Variants in KIF27 observed in about 807,000 individuals in gnomAD.
The protein encoded by KIF27 is kinesin-like protein KIF27.
A neutral mutation model predicts 141.8 loss-of-function variants in KIF27; 84 were observed. The ratio of observed to expected loss-of-function variants is 0.59; its 90% CI spans 0.50 to 0.71. The LOEUF is 0.71. Among genes scored for constraint, KIF27 ranks in the 30% least tolerant of loss-of-function variants. The pLI, the probability that KIF27 is intolerant of heterozygous loss-of-function variation, is 0.00. For synonymous variants in KIF27, 471 were observed against 569.5 expected, an observed-to-expected ratio of 0.83 and a Z score of 2.46; for missense variants, 1,306 against 1,628.4, an observed-to-expected ratio of 0.80 and a Z score of 3.41.
intron 14 of KIF27, chr9:83,858,836 A>C (rs1052652027): frequency 1.2e-5 from 4 of 336,544 alleles, no homozygotes; most frequent in Non-Finnish European, 2.2e-5. Flanking sequence ...GAGTCCCTCA[A>C]ATCATTTTCT....
At chr9:83,896,234 A>G (rs1953236669) in intron 5 of KIF27, among the ~76,000 whole-genome samples, 1 of 151,954 alleles carries the variant, frequency 6.6e-6, no homozygotes, top group African/African-American at 2.4e-5. Flanking sequence ...ACACAGTGAG[A>G]CTCCGTCTCA....
At chr9:83,853,086 TG>T (rs1948794086) in intron 15 of KIF27, among the ~76,000 whole-genome samples, 1 of 152,234 alleles carries the variant, frequency 6.6e-6, no homozygotes, top group African/African-American at 2.4e-5. Context: ...GAAACATCTC[TG>T]GATCAGTAAA....
chr9:83,850,907 G>A (rs191781537), intron 15 of KIF27, among the ~76,000 whole-genome samples: 220 of 124,188 alleles, frequency 1.8e-3, no homozygotes, highest in African/African-American at 6.2e-3. Context: ...GTGCAATCTC[G>A]GCTCACTGCA....
chr9:83,857,772 T>C (rs1246142572), intron 14 of KIF27, among the ~76,000 whole-genome samples: 3 of 152,192 alleles, frequency 2.0e-5, no homozygotes, highest in Non-Finnish European at 4.4e-5. Context: ...GATTCTGATC[T>C]ACTGAGGCTG....
intron 16 of KIF27, among the ~76,000 whole-genome samples, chr9:83,845,822 G>A (rs1947202814): frequency 6.6e-6 from 1 of 152,222 alleles, no homozygotes; most frequent in Non-Finnish European, 1.5e-5. Flanking sequence ...GAAAACTGGT[G>A]ACAAAGAATT....
intron 3 of KIF27, among the ~76,000 whole-genome samples, chr9:83,905,446 AG>A (rs1200443982): frequency 3.9e-5 from 6 of 152,224 alleles, no homozygotes; most frequent in African/African-American, 1.4e-4. Context: ...AAAGAGAAGT[AG>A]GTGGACTTAG....
chr9:83,837,695 C>T (rs1946047117), intron 17 of KIF27: 6 of 435,992 alleles, frequency 1.4e-5, no homozygotes, highest in Non-Finnish European at 2.4e-5. Flanking sequence ...GAATAACTCA[C>T]AACTTTAATT....
At chr9:83,914,898 T>C (rs1247965210) in intron 2 of KIF27, among the ~76,000 whole-genome samples, 1 of 152,238 alleles carries the variant, frequency 6.6e-6, no homozygotes, top group Non-Finnish European at 1.5e-5. Flanking sequence ...AAAGAAAAGA[T>C]ACTTTACATA....
intron 16 of KIF27, among the ~76,000 whole-genome samples, chr9:83,848,301 A>ATATATATGATATATCATATATC (rs1947993039): frequency 8.9e-6 from 1 of 112,554 alleles, no homozygotes; most frequent in Non-Finnish European, 1.7e-5. Context: ...ATCAGATATG[A>ATATATATGATATATCATATATC]TATATATGAT....
chr9:83,844,813 A>G (rs7030224), intron 16 of KIF27, among the ~76,000 whole-genome samples: 1 of 152,170 alleles, frequency 6.6e-6, no homozygotes, highest in African/African-American at 2.4e-5. Flanking sequence ...GGCCTGTCGA[A>G]ATATTCCTTC....
Position 83,837,353 on chromosome 9 carries a change from C to T in KIF27, c.3854G>A (p.Ser1285Asn). Residue 1285 changes from serine to asparagine, a missense_variant, in exon 18 of 18, where the codon AGC becomes AAC. Physicochemically the swap from Ser to Asn is conservative, Grantham distance 46. This residue lies in a region of KIF27 where 148 missense variants were observed against 250.9 expected (regional missense o/e 0.59). Coordinates refer to ENST00000297814, the MANE Select transcript of KIF27 (RefSeq NM_017576.4). ...REREMDSSAS[S>N]LRTQPNPQKL... ...TTGAGGATTTGGCTGTGTTCTTAAG[C>T]TGCTTGCTGAACTGTCCATTTCTCT... is the stretch of plus-strand genomic sequence containing the variant. 6.2e-7 allele frequency: 1 copy of T among 1,610,226 alleles called. No homozygotes were observed. Among genetic ancestry groups the T allele is most frequent in the Non-Finnish European group, 8.5e-7 (1 of 1,176,736 alleles).
intron 11 of KIF27, among the ~76,000 whole-genome samples, chr9:83,873,767 T>C (rs942724581): frequency 6.6e-6 from 1 of 152,286 alleles, no homozygotes; most frequent in Admixed American, 6.5e-5. Flanking sequence ...TTTGTCCACA[T>C]ACACTTTAAA....
rs1424608632 is a variant in KIF27 at position 83,835,286 on chromosome 9, A to G, written c.*1715T>C. On this transcript the variant is annotated 3_prime_UTR_variant, in exon 18 of 18. Transcript: ENST00000297814. ...ATGATTTATATTTATATATAAATGT[A>G]CATAAATTTATAAAAATGGAAGACT... Among the ~76,000 whole-genome samples the G allele has an allele frequency of 6.6e-6, 1 of 151,568 alleles. No homozygotes were observed. The highest frequency in any genetic ancestry group is 1.5e-5 in the Non-Finnish European group (1 of 67,840).
In KIF27 at chr9:83,908,412, GT is replaced by G. The variant is rs777908801; in HGVS notation, c.499+39del. On this transcript the variant is annotated intron_variant, in intron 3 of 17. Transcript: ENST00000297814. ...TTAATTAAAGCATTAAAGCATGTCT[GT>G]TTGCTAATGAAGGCAACTGATTAAG... The G allele has an allele frequency of 4.0e-6, 5 of 1,235,076 alleles. No individual in the cohort carries two copies. In the Admixed American group the frequency reaches 9.9e-5, roughly 24 times the overall value. 76.5% of individuals were successfully genotyped at this position (1,235,076 alleles called of 1,614,324 possible). A position where few individuals can be genotyped will look rare whatever the true frequency, so the allele number is the denominator to read the frequency against.
At chr9:83,849,246 G>A (rs1189764101) in intron 16 of KIF27, 2 of 152,296 alleles carry the variant, frequency 1.3e-5, no homozygotes, top group East Asian at 3.9e-4. Context: ...GTAATGATGT[G>A]TGAGATCTTG....
At chr9:83,896,558 G>C (rs1220893052) in intron 5 of KIF27, among the ~76,000 whole-genome samples, 1 of 152,054 alleles carries the variant, frequency 6.6e-6, no homozygotes, top group African/African-American at 2.4e-5. Context: ...GGCCATTACT[G>C]AGAAAAAATA....
chr9:83,899,067 G>C (rs1588236056), intron 5 of KIF27: 1 of 152,190 alleles, frequency 6.6e-6, no homozygotes, highest in Non-Finnish European at 1.5e-5. Context: ...TGCTGGATCA[G>C]ATTATTTCTC....
intron 4 of KIF27, 135 bp downstream of exon 4, chr9:83,902,925 C>A (rs1954078480): frequency 9.3e-6 from 5 of 536,072 alleles, no homozygotes; most frequent in Non-Finnish European, 1.3e-5. Flanking sequence ...AATTTACTTG[C>A]CCAAATAAAT....
chr9:83,902,939 G>T (rs4269618), intron 4 of KIF27, 121 bp downstream of exon 4: 113,344 of 551,660 alleles, frequency 0.21, 13,032 homozygotes, highest in Non-Finnish European at 0.24. Context: ...AATAAATTTA[G>T]TCCTTAAAAG....
Sources: allele counts gnomAD v4.1 joint callset (sites outside exome capture counted in the v4.1 genomes callset), GRCh38; gene constraint gnomAD v4.1.1; regional missense constraint gnomAD v4.1.1; transcripts MANE v1.5; gene names NCBI Gene and HGNC (gene_info 2026-07-23, HGNC 2026-07-21).